The following CSMD1 variants were observed in gnomAD, a reference collection of about 807,000 sequenced individuals.
The protein encoded by CSMD1 is CUB and Sushi multiple domains 1, also known as CUB and sushi domain-containing protein 1.
Under a neutral mutation model 417.5 loss-of-function variants are expected in CSMD1, and 213 were observed. The ratio of observed to expected loss-of-function variants is 0.51; its 90% CI spans 0.46 to 0.57. CSMD1 has a LOEUF of 0.57. CSMD1 is among the 20% of genes least tolerant of loss of function. CSMD1 has a pLI of 0.00. For synonymous variants in CSMD1, 2,862 were observed against 1,736.8 expected, an observed-to-expected ratio of 1.65 and a Z score of -16.11; for missense variants, 6,923 against 4,529.7, an observed-to-expected ratio of 1.53 and a Z score of -15.17.
intron 3 of CSMD1, among the ~76,000 whole-genome samples, chr8:4,119,896 G>C (rs969820542): frequency 3.9e-5 from 6 of 152,210 alleles, no homozygotes; most frequent in Non-Finnish European, 8.8e-5. Flanking sequence ...ACAGTTGCCG[G>C]AGTCTGGTAA....
chr8:3,812,920 T>A (rs920515235), intron 5 of CSMD1, among the ~76,000 whole-genome samples: 2 of 152,172 alleles, frequency 1.3e-5, no homozygotes, highest in Non-Finnish European at 2.9e-5. Flanking sequence ...ATGTGTTTTG[T>A]CCTCTTTGAT....
chr8:4,368,629 T>C (rs745417029), intron 3 of CSMD1, among the ~76,000 whole-genome samples: 19 of 152,166 alleles, frequency 1.2e-4, no homozygotes, highest in Non-Finnish European at 1.9e-4. Context: ...GGCTTTTTAT[T>C]ACCGATTCAA....
At chr8:4,362,195 C>CTGTAT (rs1801806581) in intron 3 of CSMD1, among the ~76,000 whole-genome samples, 1 of 152,086 alleles carries the variant, frequency 6.6e-6, no homozygotes, top group South Asian at 2.1e-4. Context: ...TCCATTACAT[C>CTGTAT]TGTATTTTCC....
At chr8:3,800,304 G>C (rs991832084) in intron 5 of CSMD1, among the ~76,000 whole-genome samples, 1 of 151,958 alleles carries the variant, frequency 6.6e-6, no homozygotes, top group Non-Finnish European at 1.5e-5. Flanking sequence ...AGTTATACTG[G>C]GCAAATCACA....
chr8:3,883,705 G>C (rs1360633280), intron 5 of CSMD1, among the ~76,000 whole-genome samples: 4 of 151,970 alleles, frequency 2.6e-5, no homozygotes, highest in Admixed American at 2.6e-4. Context: ...TTATGGCATG[G>C]TTATGATTTA....
intron 2 of CSMD1, among the ~76,000 whole-genome samples, chr8:4,431,218 C>G (rs1222324918): frequency 6.6e-6 from 1 of 151,982 alleles, no homozygotes; most frequent in Non-Finnish European, 1.5e-5. Context: ...TTTTCATTAT[C>G]TCAACAACAT....
chr8:3,078,946 A>T (rs1224258544), intron 49 of CSMD1, among the ~76,000 whole-genome samples: 1 of 151,522 alleles, frequency 6.6e-6, no homozygotes, highest in Non-Finnish European at 1.5e-5. Context: ...TCATGCCAAC[A>T]TTTGCGTTTA....
At chr8:4,500,927 C>T (rs561764861) in intron 2 of CSMD1, among the ~76,000 whole-genome samples, 48 of 152,212 alleles carry the variant, frequency 3.2e-4, no homozygotes, top group African/African-American at 1.1e-3. Context: ...TGATCTTTTA[C>T]AACTTGAGAA....
chr8:4,030,815 G>T (rs530358603), intron 4 of CSMD1, among the ~76,000 whole-genome samples: 1 of 152,072 alleles, frequency 6.6e-6, no homozygotes. Context: ...AAGCTTTACA[G>T]CACCCAAGAC....
At chr8:3,885,574 G>C (rs1210444463) in intron 5 of CSMD1, among the ~76,000 whole-genome samples, 1 of 152,126 alleles carries the variant, frequency 6.6e-6, no homozygotes, top group Non-Finnish European at 1.5e-5. Flanking sequence ...AATGAAATTA[G>C]GCAGTCATCA....
chr8:3,986,853 C>A (rs534622071), intron 5 of CSMD1, among the ~76,000 whole-genome samples: 1 of 152,054 alleles, frequency 6.6e-6, no homozygotes, highest in Non-Finnish European at 1.5e-5. Context: ...CTCCCAGGTT[C>A]AAGCAATTCT....
chr8:4,493,503 C>G (rs541330104), intron 2 of CSMD1, among the ~76,000 whole-genome samples: 1 of 152,122 alleles, frequency 6.6e-6, no homozygotes, highest in East Asian at 1.9e-4. Context: ...CAAGAACACC[C>G]TGGGTAACAT....
chr8:3,913,856 T>C (rs1328344054), intron 5 of CSMD1, among the ~76,000 whole-genome samples: 1 of 151,818 alleles, frequency 6.6e-6, no homozygotes, highest in Non-Finnish European at 1.5e-5. Context: ...GACTTTCCTG[T>C]GTGTGTATAT....
chr8:3,434,439 C>A (rs1483820866), intron 12 of CSMD1, among the ~76,000 whole-genome samples: 2 of 152,160 alleles, frequency 1.3e-5, no homozygotes, highest in South Asian at 4.1e-4. Flanking sequence ...TTATTCCATA[C>A]AAGCCTATAT....
chr8:4,792,555 C>G (rs1797749062), intron 1 of CSMD1, among the ~76,000 whole-genome samples: 1 of 152,128 alleles, frequency 6.6e-6, no homozygotes, highest in South Asian at 2.1e-4. Context: ...CAGCCATACA[C>G]CACACTCAAC....
At chr8:3,753,710 T>C (rs918884952) in intron 6 of CSMD1, among the ~76,000 whole-genome samples, 7 of 152,224 alleles carry the variant, frequency 4.6e-5, no homozygotes, top group Non-Finnish European at 1.0e-4. Flanking sequence ...TGTTCCAGTG[T>C]ATCAAGAAAC....
intron 1 of CSMD1, among the ~76,000 whole-genome samples, chr8:4,978,020 G>A (rs1278503932): frequency 6.6e-6 from 1 of 152,156 alleles, no homozygotes; most frequent in Non-Finnish European, 1.5e-5. Flanking sequence ...CAATCGATGT[G>A]AGAGAGATAC....
chr8:4,169,088 G>A (rs925235219), intron 3 of CSMD1, among the ~76,000 whole-genome samples: 5 of 152,156 alleles, frequency 3.3e-5, no homozygotes, highest in African/African-American at 1.2e-4. Context: ...TAAGCCTGCT[G>A]GCTTAGTCCT....
Position 4,589,692 on chromosome 8 carries a change from G to T in CSMD1, c.302+47650C>A, listed in dbSNP as rs1335315878. ...AGCAAAAATAACCTCCGCAATTGTTGAATGGTACAATTAGAAACACATGAT... is the reference window on the plus strand; with the variant it reads ...AGCAAAAATAACCTCCGCAATTGTTTAATGGTACAATTAGAAACACATGAT... On this transcript the variant is annotated intron_variant, in intron 2 of 69. Transcript: ENST00000635120. Among the ~76,000 whole-genome samples the T allele has an allele frequency of 2.0e-5, 3 of 152,202 alleles. No homozygotes were observed. The East Asian group carries it at 5.8e-4, about 29-fold the overall frequency.
Sources: gnomAD v4.1 joint callset for allele counts (sites outside exome capture counted in the v4.1 genomes callset) on GRCh38, gnomAD v4.1.1 for gene constraint, MANE v1.5 for transcripts, NCBI Gene and HGNC (gene_info 2026-07-23, HGNC 2026-07-21) for gene names.